The following NAPEPLD variants were observed in gnomAD, a reference collection of about 807,000 sequenced individuals.
NAPEPLD encodes N-acyl phosphatidylethanolamine phospholipase D.
A neutral mutation model predicts 38.1 loss-of-function variants in NAPEPLD; 23 were observed. The observed-to-expected ratio is 0.60, with a 90% CI of 0.43 to 0.86. The LOEUF is 0.86. Among genes scored for constraint, NAPEPLD ranks in the 40% least tolerant of loss-of-function variants. The pLI is 0.00. For synonymous variants in NAPEPLD, 147 were observed against 162.0 expected (o/e 0.91, Z 0.71); for missense variants, 411 against 476.8 (o/e 0.86, Z 1.28).
intron 1 of NAPEPLD, among the ~76,000 whole-genome samples, chr7:103,142,183 G>A (rs1462972684): frequency 1.3e-5 from 2 of 152,176 alleles, no homozygotes; most frequent in Admixed American, 1.3e-4. Context: ...CAGAATTTAT[G>A]CTAGCCTGGC....
At chr7:103,146,570 G>A (rs1442358219) in intron 1 of NAPEPLD, among the ~76,000 whole-genome samples, 1 of 152,148 alleles carries the variant, frequency 6.6e-6, no homozygotes, top group African/African-American at 2.4e-5. Flanking sequence ...ATTGTTCCAG[G>A]TAGCAGGCAC....
chr7:103,131,721 C>T (rs1188471140), intron 1 of NAPEPLD, among the ~76,000 whole-genome samples: 3 of 151,420 alleles, frequency 2.0e-5, no homozygotes, highest in Non-Finnish European at 4.4e-5. Context: ...GGTTAAAAGA[C>T]TGGACAGTAA....
chr7:103,132,133 TA>T (rs1283928388), intron 1 of NAPEPLD, among the ~76,000 whole-genome samples: 1 of 152,096 alleles, frequency 6.6e-6, no homozygotes, highest in Non-Finnish European at 1.5e-5. Context: ...AGGAAGTGGC[TA>T]AAAACTGGAG....
At position 103,100,456 on chromosome 7, in the gene NAPEPLD, T is replaced by A; in HGVS notation, c.*2973A>T. 1 of 152,182 alleles carries A rather than the reference T, an allele frequency of 6.6e-6. No individual in the cohort carries two copies. The highest frequency in any genetic ancestry group is 2.1e-4 in the South Asian group (1 of 4,830). The allele number at this position is 152,182 out of a possible 1,614,324, so 9.4% of individuals were successfully genotyped here. ...ATGCTAGAGAAAAGAGGGAGTAATT[T>A]TTAACTACCCAGAAAGAAGATGCAC... is the stretch of plus-strand genomic sequence containing the variant. On this transcript the variant is annotated 3_prime_UTR_variant, in exon 5 of 5. Coordinates refer to ENST00000465647, the MANE Select transcript of NAPEPLD (RefSeq NM_001122838.3).
chr7:103,128,543 T>A lies in NAPEPLD; in HGVS notation c.234A>T (p.Pro78=), dbSNP rs1808292043. The A allele has an allele frequency of 1.2e-6, 2 of 1,614,224 alleles. No individual in the cohort carries two copies. Among genetic ancestry groups the A allele is most frequent in the Middle Eastern group, 1.6e-4 (1 of 6,062 alleles). ...PWPTWKNPSI[P]NVLRWLIMEK... Reference sequence around the variant, plus strand: ...CCATTATCAGCCATCTGAGAACATTTGGAATAGAGGGGTTTTTCCATGTTG... The same window carrying A: ...CCATTATCAGCCATCTGAGAACATTAGGAATAGAGGGGTTTTTCCATGTTG... Residue 78 remains proline, a synonymous_variant, in exon 2 of 5, where the codon CCA becomes CCT. Coordinates refer to ENST00000465647, the MANE Select transcript of NAPEPLD (RefSeq NM_001122838.3).
chr7:103,143,381 A>G (rs981830196), intron 1 of NAPEPLD, among the ~76,000 whole-genome samples: 3 of 139,044 alleles, frequency 2.2e-5, no homozygotes, highest in African/African-American at 9.3e-5. Context: ...ATGTATTTAG[A>G]AAAAAAAAAA....
In NAPEPLD at chr7:103,103,331, G is replaced by A. The variant is rs991607909; in HGVS notation, c.*98C>T. On this transcript the variant is annotated 3_prime_UTR_variant, in exon 5 of 5. Transcript: ENST00000465647. ...AAACTTGCAGAAGTTGTTTCCAAAT[G>A]TAAAATAATCACAATATTCATGAAT... 63 of 1,364,216 alleles carry A rather than the reference G, an allele frequency of 4.6e-5. 1 individual carries two copies. The highest frequency in any genetic ancestry group is 5.6e-5 in the Non-Finnish European group (57 of 1,015,292). 84.5% of individuals were successfully genotyped at this position (1,364,216 alleles called of 1,614,324 possible). A position where few individuals can be genotyped will look rare whatever the true frequency, so the allele number is the denominator to read the frequency against.
intron 2 of NAPEPLD, among the ~76,000 whole-genome samples, chr7:103,120,701 CT>C (rs869141133): frequency 9.6e-4 from 79 of 82,508 alleles, no homozygotes; most frequent in African/African-American, 3.5e-3. Context: ...TGATATTTTT[CT>C]TTTTTTTTTT....
At chr7:103,127,135 G>C (rs1337285819) in intron 2 of NAPEPLD, 1 of 151,984 alleles carries the variant, frequency 6.6e-6, no homozygotes, top group African/African-American at 2.4e-5. Flanking sequence ...CACACACAGA[G>C]CACAATGAAT....
intron 4 of NAPEPLD, among the ~76,000 whole-genome samples, chr7:103,105,663 A>G (rs2129526390): frequency 6.6e-6 from 1 of 152,344 alleles, no homozygotes; most frequent in East Asian, 1.9e-4. Context: ...GTCATGGGTA[A>G]CTGGCTGGGT....
At position 103,133,074 on chromosome 7, in the gene NAPEPLD, C is replaced by G. The variant is rs530649609; in HGVS notation, c.-16-4282G>C. The stretch of plus-strand genomic sequence containing the variant: ...ACAAAAAAATCTGATACAAACAAAA[C>G]GAAAAAACCTCCAAAGGGTTTTTTG... On this transcript the variant is annotated intron_variant, in intron 1 of 4. Coordinates refer to ENST00000465647, the MANE Select transcript of NAPEPLD (RefSeq NM_001122838.3). Among the ~76,000 whole-genome samples, 48 of 152,202 alleles carry G rather than the reference C, an allele frequency of 3.2e-4. No homozygotes were observed. The East Asian group carries it at 7.7e-3, about 24-fold the overall frequency.
At chr7:103,115,961 T>C (rs1805471494) in intron 3 of NAPEPLD, among the ~76,000 whole-genome samples, 1 of 152,198 alleles carries the variant, frequency 6.6e-6, no homozygotes, top group African/African-American at 2.4e-5. Flanking sequence ...ATTTATAAAC[T>C]GTCATGGTGA....
At chr7:103,110,176 T>C (rs554883243) in intron 4 of NAPEPLD, among the ~76,000 whole-genome samples, 1 of 152,038 alleles carries the variant, frequency 6.6e-6, no homozygotes, top group African/African-American at 2.4e-5. Flanking sequence ...CTAAAACTAT[T>C]CCAAACAATA....
At position 103,119,779 on chromosome 7, in the gene NAPEPLD, C is replaced by A. The variant is rs983521901; in HGVS notation, c.739G>T (p.Val247Phe). ...CACCAGTGCTGGGAAGGTGTAAAGA[C>A]AAAAGTGACCTTATCATGTCCGGGG... is the stretch of plus-strand genomic sequence containing the variant. ...CVPGHDKVTF[V>F]FTPSQHWCKR... The change falls in exon 3 of 5, where the codon GTC (valine) becomes TTC (phenylalanine). Residue 247 changes from valine (V) to phenylalanine (F), a missense_variant. Coordinates refer to ENST00000465647, the MANE Select transcript of NAPEPLD (RefSeq NM_001122838.3). 1.2e-6 allele frequency: 2 copies of A among 1,614,018 alleles called. No individual in the cohort carries two copies. The highest frequency in any genetic ancestry group is 1.7e-6 in the Non-Finnish European group (2 of 1,180,036).
intron 1 of NAPEPLD, chr7:103,141,237 GTTGTTTTTTTTTTTTT>G (rs1373068413): frequency 1.1e-4 from 9 of 79,132 alleles, no homozygotes; most frequent in African/African-American, 1.7e-4. Flanking sequence ...TACCTGTGGA[GTTGTTTTTTTTTTTTT>G]TTTTTTTTTT....
chr7:103,142,037 T>C, intron 1 of NAPEPLD: 1 of 599,942 alleles, frequency 1.7e-6, no homozygotes, highest in South Asian at 2.0e-5. Flanking sequence ...GGGCAGTTTC[T>C]CTAGATAATT....
chr7:103,141,838 A>C (rs1317744903), intron 1 of NAPEPLD: 36 of 966,182 alleles, frequency 3.7e-5, no homozygotes, highest in Non-Finnish European at 2.2e-5. Flanking sequence ...GGGAGTTGGC[A>C]TTGGTGATTT....
intron 1 of NAPEPLD, among the ~76,000 whole-genome samples, chr7:103,142,749 AATATTTAT>A (rs1811693302): frequency 6.6e-6 from 1 of 152,232 alleles, no homozygotes; most frequent in African/African-American, 2.4e-5. Context: ...ATGAGTGCAC[AATATTTAT>A]GGAATGAATA....
Position 103,148,950 on chromosome 7 carries a change from G to C in NAPEPLD, c.-156C>G. On this transcript the variant is annotated 5_prime_UTR_variant, in exon 1 of 5. Transcript: ENST00000465647. ...AGGCAGCTTCAGAGATGCAGGCTCCGCAACTCGCGAGGTGCGAAAATTCAA... is the reference window on the plus strand; with the variant it reads ...AGGCAGCTTCAGAGATGCAGGCTCCCCAACTCGCGAGGTGCGAAAATTCAA... 1 of 985,352 alleles carries C rather than the reference G, an allele frequency of 1.0e-6. No individual in the cohort carries two copies. The highest frequency in any genetic ancestry group is 1.2e-6 in the Non-Finnish European group (1 of 829,928). The allele number at this position is 985,352 out of a possible 1,614,324, so 61.0% of individuals were successfully genotyped here. A position where few individuals can be genotyped will look rare whatever the true frequency, so the allele number is the denominator to read the frequency against.
Sources: allele counts gnomAD v4.1 joint callset (sites outside exome capture counted in the v4.1 genomes callset), GRCh38; gene constraint gnomAD v4.1.1; transcripts MANE v1.5; gene names NCBI Gene and HGNC (gene_info 2026-07-23, HGNC 2026-07-21).